ZCWPW2: variants seen among roughly 807,000 people sequenced by gnomAD.
ZCWPW2 encodes the protein zinc finger CW-type PWWP domain protein 2.
ZCWPW2 carries 45 observed loss-of-function variants against 46.6 expected under a neutral mutation model. The ratio of observed to expected loss-of-function variants is 0.96; its 90% CI spans 0.76 to 1.24. The LOEUF is 1.24. ZCWPW2 is among the 50% of genes most tolerant of loss of function. The probability of loss-of-function intolerance (pLI) is 0.00; values close to 1 mark genes in which losing one functional copy is unlikely to be tolerated. For synonymous variants in ZCWPW2, 152 were observed against 137.1 expected (o/e 1.11, Z -0.76); for missense variants, 429 against 403.9 (o/e 1.06, Z -0.53).
At chr3:28,509,547 C>T (rs1468462073) in intron 6 of ZCWPW2, among the ~76,000 whole-genome samples, 3 of 152,000 alleles carry the variant, frequency 2.0e-5, no homozygotes, top group African/African-American at 4.8e-5. Context: ...AGTGGTATGT[C>T]ATTGTGGTCT....
At chr3:28,362,440 A>G (rs1219062910) in intron 1 of ZCWPW2, among the ~76,000 whole-genome samples, 3 of 152,204 alleles carry the variant, frequency 2.0e-5, no homozygotes, top group Non-Finnish European at 4.4e-5. Flanking sequence ...ACTTTTCAAA[A>G]GAAGACATAC....
chr3:28,524,494 A>G (rs778681918), intron 9 of ZCWPW2, 33 bp from the exon 10 acceptor site: 9 of 1,589,198 alleles, frequency 5.7e-6, no homozygotes, highest in Middle Eastern at 1.7e-4. Context: ...TAAATTTGAC[A>G]TAGTTCCGAT....
intron 1 of ZCWPW2, among the ~76,000 whole-genome samples, chr3:28,387,187 C>G (rs1391182670): frequency 6.6e-6 from 1 of 152,196 alleles, no homozygotes; most frequent in Non-Finnish European, 1.5e-5. Context: ...TATTCACTAT[C>G]TGTCACTTGT....
At chr3:28,446,893 C>T (rs1447536387) in intron 4 of ZCWPW2, among the ~76,000 whole-genome samples, 1 of 152,030 alleles carries the variant, frequency 6.6e-6, no homozygotes, top group Non-Finnish European at 1.5e-5. Context: ...GACAGTTATA[C>T]AGCAATGAAT....
chr3:28,384,231 G>T (rs1695195091), intron 1 of ZCWPW2, among the ~76,000 whole-genome samples: 1 of 152,020 alleles, frequency 6.6e-6, no homozygotes, highest in Non-Finnish European at 1.5e-5. Flanking sequence ...TCTACCCATG[G>T]AATATGTTAT....
chr3:28,414,688 A>G (rs1316383938), intron 3 of ZCWPW2, among the ~76,000 whole-genome samples: 4 of 112,008 alleles, frequency 3.6e-5, no homozygotes. Context: ...ATTCCCACCT[A>G]TGAGTGAGAA....
At chr3:28,404,019 G>A (rs1696054609) in intron 2 of ZCWPW2, among the ~76,000 whole-genome samples, 1 of 152,020 alleles carries the variant, frequency 6.6e-6, no homozygotes, top group African/African-American at 2.4e-5. Flanking sequence ...AAAAGAAAAT[G>A]CAATAAAAAC....
chr3:28,357,821 C>G (rs912974719), intron 1 of ZCWPW2, among the ~76,000 whole-genome samples: 1 of 136,408 alleles, frequency 7.3e-6, no homozygotes, highest in East Asian at 2.0e-4. Context: ...ATATATATAT[C>G]TCCATACATA....
chr3:28,511,785 C>G (rs543887488), intron 6 of ZCWPW2, among the ~76,000 whole-genome samples: 9 of 152,152 alleles, frequency 5.9e-5, no homozygotes, highest in African/African-American at 1.7e-4. Flanking sequence ...ACATAATGTT[C>G]AGCACTTAAT....
intron 4 of ZCWPW2, among the ~76,000 whole-genome samples, chr3:28,439,468 C>T (rs1697658251): frequency 6.6e-6 from 1 of 152,188 alleles, no homozygotes; most frequent in South Asian, 2.1e-4. Context: ...ATGTTAATCT[C>T]CTTTGGCAAC....
intron 1 of ZCWPW2, among the ~76,000 whole-genome samples, chr3:28,363,793 C>G (rs1705023984): frequency 6.6e-6 from 1 of 152,136 alleles, no homozygotes; most frequent in Non-Finnish European, 1.5e-5. Context: ...CCAACTCCTT[C>G]TCATAGAAAC....
intron 1 of ZCWPW2, among the ~76,000 whole-genome samples, chr3:28,382,636 C>T (rs914058403): frequency 6.6e-6 from 1 of 151,980 alleles, no homozygotes; most frequent in African/African-American, 2.4e-5. Context: ...TGGTTATTTT[C>T]TCCATTTTCA....
chr3:28,439,426 G>T (rs1398251170), intron 4 of ZCWPW2, among the ~76,000 whole-genome samples: 1 of 151,978 alleles, frequency 6.6e-6, no homozygotes, highest in Non-Finnish European at 1.5e-5. Flanking sequence ...CCAATTAAGG[G>T]TGGCTCTGCC....
rs1700810139 is a variant in ZCWPW2, at chr3:28,524,774, A to G, written c.*86A>G. On this transcript the variant is annotated 3_prime_UTR_variant, in exon 10 of 10. Coordinates refer to ENST00000383768, the MANE Select transcript of ZCWPW2 (RefSeq NM_001040432.4). ...TTAAAACTTTAAAAATGTTTAGTGA[A>G]ATAGGTATAAATTATACCAAAGTTT... 1 of 1,135,136 alleles carries G rather than the reference A, an allele frequency of 8.8e-7. No individual in the cohort carries two copies. The highest frequency in any genetic ancestry group is 1.6e-5 in the African/African-American group (1 of 61,478). The allele number at this position is 1,135,136 out of a possible 1,614,324, so 70.3% of individuals were successfully genotyped here.
chr3:28,402,361 G>C (rs962836581), intron 2 of ZCWPW2, among the ~76,000 whole-genome samples: 1 of 152,000 alleles, frequency 6.6e-6, no homozygotes, highest in Non-Finnish European at 1.5e-5. Context: ...ATACACCCCT[G>C]TTAGCTTAAA....
At chr3:28,520,355 A>G (rs1700691834) in intron 8 of ZCWPW2, among the ~76,000 whole-genome samples, 1 of 152,182 alleles carries the variant, frequency 6.6e-6, no homozygotes, top group East Asian at 1.9e-4. Context: ...AGATTAGGCA[A>G]TTAAGATGTG....
chr3:28,366,841 G>A (rs1705136370), intron 1 of ZCWPW2, among the ~76,000 whole-genome samples: 1 of 152,182 alleles, frequency 6.6e-6, no homozygotes, highest in African/African-American at 2.4e-5. Flanking sequence ...GGTCTATTCA[G>A]GGATTCAACT....
At chr3:28,370,633 T>C (rs988694468) in intron 1 of ZCWPW2, among the ~76,000 whole-genome samples, 7 of 152,370 alleles carry the variant, frequency 4.6e-5, no homozygotes, top group African/African-American at 1.4e-4. Flanking sequence ...ATCCTTAAAC[T>C]GGATGTTGGT....
rs965265991 is a variant in ZCWPW2, at chr3:28,478,133, T to A, written c.493-681T>A. Among the ~76,000 whole-genome samples the A allele has an allele frequency of 7.9e-5, 12 of 152,338 alleles. No individual in the cohort carries two copies. In the East Asian group the frequency reaches 1.3e-3, roughly 17 times the overall value. ...CCTTATGATGTATGTAGTGTTATCA[T>A]TCACAGTTTTTAGATAAAGAAACTA... On this transcript the variant is annotated intron_variant, in intron 4 of 9. Coordinates refer to ENST00000383768, the MANE Select transcript of ZCWPW2 (RefSeq NM_001040432.4).
Sources: allele counts gnomAD v4.1 joint callset (sites outside exome capture counted in the v4.1 genomes callset), GRCh38; gene constraint gnomAD v4.1.1; transcripts MANE v1.5; gene names NCBI Gene and HGNC (gene_info 2026-07-23, HGNC 2026-07-21).